GFPT2: variants seen among roughly 807,000 people sequenced by gnomAD.
GFPT2 encodes the protein glutamine--fructose-6-phosphate aminotransferase [isomerizing] 2.
A neutral mutation model predicts 85.6 loss-of-function variants in GFPT2; 62 were observed. The observed-to-expected ratio is 0.72, with a 90% CI of 0.59 to 0.90. GFPT2 has a LOEUF of 0.90. GFPT2 is among the 40% of genes least tolerant of loss of function. The pLI is 0.00. For synonymous variants in GFPT2, 368 were observed against 344.5 expected (o/e 1.07, Z -0.75); for missense variants, 788 against 893.4 (o/e 0.88, Z 1.50).
intron 6 of GFPT2, among the ~76,000 whole-genome samples, chr5:180,329,070 A>G (rs1303673956): frequency 2.0e-5 from 3 of 152,188 alleles, no homozygotes; most frequent in Admixed American, 2.0e-4. Context: ...CTTGGTGTAA[A>G]TTCTTCCCCC....
At chr5:180,326,425 C>T (rs971655024) in intron 7 of GFPT2, among the ~76,000 whole-genome samples, 3 of 152,206 alleles carry the variant, frequency 2.0e-5, no homozygotes, top group South Asian at 2.1e-4. Context: ...GCTTGCTCAT[C>T]GGCTTGAATC....
At chr5:180,338,879 C>T (rs1434578481) in intron 1 of GFPT2, among the ~76,000 whole-genome samples, 1 of 152,226 alleles carries the variant, frequency 6.6e-6, no homozygotes, top group African/African-American at 2.4e-5. Context: ...TTCAGCGTGG[C>T]AATGTCCATA....
At chr5:180,309,474 G>A (rs936091099) in intron 15 of GFPT2, among the ~76,000 whole-genome samples, 3 of 152,134 alleles carry the variant, frequency 2.0e-5, no homozygotes, top group Non-Finnish European at 4.4e-5. Context: ...AGACTGGAGT[G>A]CAACGGCGTG....
rs1043039639 is a variant in GFPT2 at position 180,330,654 on chromosome 5, T to C, written c.534+46A>G. 3.3e-6 allele frequency: 5 copies of C among 1,522,512 alleles called. No homozygotes were observed. Among genetic ancestry groups the C allele is most frequent in the Non-Finnish European group, 4.5e-6 (5 of 1,106,230 alleles). 94.3% of individuals were successfully genotyped at this position (1,522,512 alleles called of 1,614,324 possible). A position where few individuals can be genotyped will look rare whatever the true frequency, so the allele number is the denominator to read the frequency against. ...TGCTGCTTGAAAAAAATGTTTTTAATGAAAGAATGAAGGAATGAGTTAGAC... is the reference window on the plus strand; with the variant it reads ...TGCTGCTTGAAAAAAATGTTTTTAACGAAAGAATGAAGGAATGAGTTAGAC... On this transcript the variant is annotated intron_variant, in intron 6 of 18. Coordinates refer to ENST00000253778, the MANE Select transcript of GFPT2 (RefSeq NM_005110.4). This position sits in a 1 kb window ranked among gnomAD's most constrained non-coding sequence, Gnocchi z 4.4.
At chr5:180,314,720 C>G (rs1188776560) in intron 13 of GFPT2, among the ~76,000 whole-genome samples, 1 of 152,132 alleles carries the variant, frequency 6.6e-6, no homozygotes, top group Non-Finnish European at 1.5e-5. Context: ...CTTCAGAGCC[C>G]TGGGTTATGG....
chr5:180,320,226 T>G lies in GFPT2; in HGVS notation c.795-1270A>C, dbSNP rs1228762270. 3.9e-5 allele frequency among the ~76,000 whole-genome samples: 6 copies of G among 152,028 alleles called. No homozygotes were observed. In the East Asian group the frequency reaches 1.2e-3, roughly 30 times the overall value. ...CCAGGATGGTCTCGATCTCCTGACCTCGTGATCCGCCCGCCTCGGCCTCCC... is the reference window on the plus strand; with the variant it reads ...CCAGGATGGTCTCGATCTCCTGACCGCGTGATCCGCCCGCCTCGGCCTCCC... On this transcript the variant is annotated intron_variant, in intron 9 of 18. Coordinates refer to ENST00000253778, the MANE Select transcript of GFPT2 (RefSeq NM_005110.4).
rs752622406 is a variant in GFPT2 at position 180,318,813 on chromosome 5, T to C, written c.938A>G (p.Glu313Gly). 1 of 1,613,998 alleles carries C rather than the reference T, an allele frequency of 6.2e-7. No individual in the cohort carries two copies. Among genetic ancestry groups the C allele is most frequent in the Non-Finnish European group, 8.5e-7 (1 of 1,179,960 alleles). ...PSRAIQTLQM[E>G]LQQIMKGNFS... ...CCTGCCTTTCATGATTTGCTGCAGTTCCATCTGCAAGGTCTGGATGGCTCG... is the reference window on the plus strand; with the variant it reads ...CCTGCCTTTCATGATTTGCTGCAGTCCCATCTGCAAGGTCTGGATGGCTCG... The change falls in exon 10 of 19, where the codon GAA (glutamate) becomes GGA (glycine). Residue 313 changes from glutamate to glycine, a missense_variant. Physicochemically the swap from Glu to Gly is moderately conservative, Grantham distance 98. Transcript: ENST00000253778. This position sits in a 1 kb window ranked among gnomAD's most constrained non-coding sequence, Gnocchi z 4.2.
rs780815386 is a variant in GFPT2, at chr5:180,312,548, T to C, written c.1432-4A>G. 3 of 1,497,842 alleles carry C rather than the reference T, an allele frequency of 2.0e-6. No homozygotes were observed. The highest frequency in any genetic ancestry group is 1.9e-6 in the Non-Finnish European group (2 of 1,075,192). The allele number at this position is 1,497,842 out of a possible 1,614,324, so 92.8% of individuals were successfully genotyped here. ...AGATGAACTGACTGGTATAAGCCTG[T>C]GCACAAAGAAGGAGGTGGCAGGGAC... On this transcript the variant is annotated splice_region_variant and splice_polypyrimidine_tract_variant and intron_variant, in intron 14 of 18. Coordinates refer to ENST00000253778, the MANE Select transcript of GFPT2 (RefSeq NM_005110.4).
chr5:180,336,443 G>T, intron 3 of GFPT2, 36 bp downstream of exon 3: 1 of 1,148,090 alleles, frequency 8.7e-7, no homozygotes, highest in Non-Finnish European at 1.3e-6. Flanking sequence ...GGCCGGCGCT[G>T]CAGCGGCTCC....
At position 180,353,334 on chromosome 5, in the gene GFPT2, G is replaced by T. The variant is rs1287332187; in HGVS notation, c.-117C>A. ...GGCTCCGTGGGCTCCGCGGGCTCCA[G>T]CTCCCGTCCGCTCGGCCTCCAGCCC... On this transcript the variant is annotated 5_prime_UTR_variant, in exon 1 of 19. In the 5' UTR this introduces an upstream ATG that the reference lacks. Transcript: ENST00000253778. 5.7e-6 allele frequency: 4 copies of T among 698,870 alleles called. No homozygotes were observed. The South Asian group carries it at 3.3e-4, about 57-fold the overall frequency. The allele number at this position is 698,870 out of a possible 1,614,324, so 43.3% of individuals were successfully genotyped here.
intron 15 of GFPT2, among the ~76,000 whole-genome samples, chr5:180,309,412 G>C (rs1182457499): frequency 6.6e-6 from 1 of 152,120 alleles, no homozygotes; most frequent in African/African-American, 2.4e-5. Flanking sequence ...CTTCAGTGTA[G>C]AGCAGAAAGG....
At chr5:180,310,259 C>T (rs1210973112) in intron 15 of GFPT2, among the ~76,000 whole-genome samples, 1 of 151,554 alleles carries the variant, frequency 6.6e-6, no homozygotes, top group Non-Finnish European at 1.5e-5. Context: ...CCCACTAGCA[C>T]GCCCAGCTAA....
At chr5:180,353,065 G>C in intron 1 of GFPT2, 146 bp downstream of exon 1, 1 of 618,518 alleles carries the variant, frequency 1.6e-6, no homozygotes, top group Admixed American at 4.5e-5. Flanking sequence ...CCCGGCCGAC[G>C]ACAGCCCCTC....
chr5:180,348,523 G>A (rs1040684060), intron 1 of GFPT2, among the ~76,000 whole-genome samples: 41 of 152,332 alleles, frequency 2.7e-4, no homozygotes, highest in South Asian at 2.5e-3. Context: ...GGCTCTTACA[G>A]AAAGACAGAG....
chr5:180,317,140 T>A, intron 10 of GFPT2, 82 bp from the exon 11 acceptor site: 1 of 920,192 alleles, frequency 1.1e-6, no homozygotes, highest in Non-Finnish European at 1.8e-6. Flanking sequence ...GTAACTCCTG[T>A]AAAGCTTACT....
At chr5:180,319,536 G>A (rs1764079184) in intron 9 of GFPT2, among the ~76,000 whole-genome samples, 1 of 152,122 alleles carries the variant, frequency 6.6e-6, no homozygotes, top group Non-Finnish European at 1.5e-5. Flanking sequence ...AATAATAGAA[G>A]AATCAATTTA....
intron 1 of GFPT2, among the ~76,000 whole-genome samples, chr5:180,338,837 C>G (rs932070493): frequency 1.3e-5 from 2 of 152,214 alleles, no homozygotes; most frequent in African/African-American, 2.4e-5. Flanking sequence ...CTGCTGAGAA[C>G]TTATCCTATG....
intron 7 of GFPT2, among the ~76,000 whole-genome samples, chr5:180,327,424 C>T (rs991017855): frequency 1.3e-5 from 2 of 152,234 alleles, no homozygotes; most frequent in African/African-American, 4.8e-5. Flanking sequence ...AGGTCCCACT[C>T]CCTCTGGGCC....
chr5:180,347,575 C>G (rs1472182980), intron 1 of GFPT2, among the ~76,000 whole-genome samples: 1 of 152,066 alleles, frequency 6.6e-6, no homozygotes, highest in Non-Finnish European at 1.5e-5. Context: ...CTGCTATATT[C>G]TGGGGCTTCC....
Sources: allele counts gnomAD v4.1 joint callset (sites outside exome capture counted in the v4.1 genomes callset), GRCh38; gene constraint gnomAD v4.1.1; non-coding constraint Gnocchi (gnomAD v3.1); transcripts MANE v1.5; gene names NCBI Gene and HGNC (gene_info 2026-07-23, HGNC 2026-07-21).